The following GP6 variants were observed in gnomAD, a reference collection of about 807,000 sequenced individuals.
The protein encoded by GP6 is platelet glycoprotein VI.
A neutral mutation model predicts 37.3 loss-of-function variants in GP6; 45 were observed. The observed-to-expected ratio is 1.21, with a 90% CI of 0.95 to 1.55. The LOEUF (loss-of-function observed/expected upper bound fraction) is 1.55, where lower values mean the gene tolerates loss of function less well. Among genes scored for constraint, GP6 ranks in the 40% most tolerant of loss-of-function variants. GP6 has a pLI of 0.00. For synonymous variants in GP6, 340 were observed against 316.4 expected (o/e 1.07, Z -0.79); for missense variants, 813 against 760.2 (o/e 1.07, Z -0.82).
At chr19:55,018,454 C>G (rs967209309) in intron 6 of GP6, among the ~76,000 whole-genome samples, 198 bp downstream of exon 6, 3 of 152,240 alleles carry the variant, frequency 2.0e-5, no homozygotes, top group Non-Finnish European at 4.4e-5. Flanking sequence ...TTGAAATGGC[C>G]CCATCACCCA....
intron 7 of GP6, 124 bp from the exon 8 acceptor site, chr19:55,015,289 C>A: frequency 6.8e-7 from 1 of 1,462,930 alleles, no homozygotes; most frequent in Non-Finnish European, 9.3e-7. Context: ...CGCTCACTTT[C>A]CTGGAGGGTC....
chr19:55,034,060 G>A (rs1474149490), intron 1 of GP6, among the ~76,000 whole-genome samples: 2 of 151,576 alleles, frequency 1.3e-5, no homozygotes, highest in East Asian at 3.9e-4. Flanking sequence ...GTGCATATAT[G>A]TAAACCTACA....
At chr19:55,022,028 C>T (rs2146760444) in intron 5 of GP6, among the ~76,000 whole-genome samples, 1 of 151,586 alleles carries the variant, frequency 6.6e-6, no homozygotes, top group East Asian at 1.9e-4. Flanking sequence ...TGTTTAACTT[C>T]CTTGTAGATT....
chr19:55,019,997 G>A (rs1472098306), intron 5 of GP6, among the ~76,000 whole-genome samples: 1 of 152,038 alleles, frequency 6.6e-6, no homozygotes, highest in Non-Finnish European at 1.5e-5. Flanking sequence ...TCTTAACCAG[G>A]GGCCTCCTGA....
chr19:55,018,969 C>T (rs948033589), intron 5 of GP6: 12 of 583,624 alleles, frequency 2.1e-5, no homozygotes, highest in Middle Eastern at 9.2e-4. Context: ...CTGCTGTGAA[C>T]ATTGACGTAC....
At chr19:55,038,059 T>A in intron 1 of GP6, 144 bp downstream of exon 1, 2 of 738,028 alleles carry the variant, frequency 2.7e-6, no homozygotes, top group Non-Finnish European at 4.9e-6. Flanking sequence ...TGGCCCCCCG[T>A]TTCCCCACCC....
At chr19:55,036,400 A>C (rs145003056) in intron 1 of GP6, among the ~76,000 whole-genome samples, 5 of 152,206 alleles carry the variant, frequency 3.3e-5, no homozygotes, top group Middle Eastern at 3.4e-3. Flanking sequence ...AAAGCTACTG[A>C]AGCAACAAGC....
intron 3 of GP6, among the ~76,000 whole-genome samples, chr19:55,030,359 T>TG (rs2074512067): frequency 1.6e-5 from 2 of 123,610 alleles, no homozygotes; most frequent in Admixed American, 1.8e-4. Flanking sequence ...CTTTTTTTTT[T>TG]TTTCCCAAGA....
chr19:55,025,687 C>T (rs963452650), intron 4 of GP6, among the ~76,000 whole-genome samples: 7 of 150,904 alleles, frequency 4.6e-5, no homozygotes, highest in South Asian at 2.1e-4. Flanking sequence ...GCCTGGGTGA[C>T]GCAGTAAGAC....
chr19:55,032,525 C>T lies in GP6; in HGVS notation c.48G>A (p.Gly16=). ...ACTCACCACTCTGCGCTGGCACACG[C>T]CCCAGACACAGCCCTGAGGAAAGAA... The change falls in exon 2 of 8, where the codon GGG becomes GGA. Residue 16 remains glycine, a synonymous_variant. Transcript: ENST00000310373. The T allele has an allele frequency of 6.2e-7, 1 of 1,613,812 alleles. No homozygotes were observed. The highest frequency in any genetic ancestry group is 8.5e-7 in the Non-Finnish European group (1 of 1,179,984).
intron 1 of GP6, among the ~76,000 whole-genome samples, chr19:55,034,911 T>C (rs1380266570): frequency 2.0e-5 from 3 of 152,050 alleles, no homozygotes; most frequent in Non-Finnish European, 1.5e-5. Flanking sequence ...CCACCACCCT[T>C]TGTCCACCCC....
intron 4 of GP6, 41 bp downstream of exon 4, chr19:55,027,537 T>C: frequency 6.4e-7 from 1 of 1,557,798 alleles, no homozygotes; most frequent in Non-Finnish European, 8.8e-7. Context: ...TCAGGACCTA[T>C]AAAGGCTGAG....
rs138058262 is a variant in GP6, at chr19:55,020,410, C to T, written c.665-1699G>A. On this transcript the variant is annotated intron_variant, in intron 5 of 7. Transcript: ENST00000310373. ...TACAGGCCCCAGTGTGTGGTGTTCC[C>T]CTCCCTGTGTCCATGTGATCTCATT... 1.2e-3 allele frequency among the ~76,000 whole-genome samples: 175 copies of T among 152,064 alleles called. 4 individuals carry two copies. In the East Asian group the frequency reaches 0.033, roughly 29 times the overall value.
In GP6 at chr19:55,018,653, A is replaced by C; in HGVS notation, c.723T>G (p.Thr241=). 1 of 1,564,892 alleles carries C rather than the reference A, an allele frequency of 6.4e-7. No homozygotes were observed. Among genetic ancestry groups the C allele is most frequent in the South Asian group, 1.1e-5 (1 of 90,168 alleles). The change falls in exon 6 of 8, where the codon ACT becomes ACG. Residue 241 remains threonine (T), a splice_region_variant and synonymous_variant. Transcript: ENST00000310373. ...AGCATGAAATGCCTGGTTACTCACC[A>C]GTTGTGAAGACTTCGTTTGTGAATG...
intron 5 of GP6, among the ~76,000 whole-genome samples, chr19:55,021,551 T>G (rs79106061): frequency 7.7e-6 from 1 of 129,162 alleles, no homozygotes; most frequent in Non-Finnish European, 1.6e-5. Context: ...GATGGAGTCT[T>G]GCTCTGTCGC....
intron 5 of GP6, among the ~76,000 whole-genome samples, chr19:55,019,121 T>TTC (rs1234857835): frequency 2.0e-5 from 3 of 150,530 alleles, no homozygotes; most frequent in Non-Finnish European, 4.4e-5. Context: ...TTTTTTTTTT[T>TTC]TTGAGACAGA....
At chr19:55,015,641 C>T (rs748339028) in intron 7 of GP6, 42 bp downstream of exon 7, 34 of 1,260,248 alleles carry the variant, frequency 2.7e-5, no homozygotes, top group Middle Eastern at 3.7e-4. Context: ...GGTGAAGAGA[C>T]GGGTGAGAAG....
chr19:55,029,217 CTGTCTG>C (rs1175939915), intron 3 of GP6, among the ~76,000 whole-genome samples: 3 of 33,704 alleles, frequency 8.9e-5, no homozygotes, highest in Non-Finnish European at 1.9e-4. Context: ...TATTATGTGT[CTGTCTG>C]TATTCTTTTT....
At chr19:55,030,089 G>A (rs1256066861) in intron 3 of GP6, among the ~76,000 whole-genome samples, 4 of 152,130 alleles carry the variant, frequency 2.6e-5, no homozygotes, top group African/African-American at 9.7e-5. Flanking sequence ...ACATTATTCT[G>A]TTTGAATACT....
Sources: gnomAD v4.1 joint callset for allele counts (sites outside exome capture counted in the v4.1 genomes callset) on GRCh38, gnomAD v4.1.1 for gene constraint, MANE v1.5 for transcripts, NCBI Gene and HGNC (gene_info 2026-07-23, HGNC 2026-07-21) for gene names.